Variants in EIF4G3 observed in about 807,000 individuals in gnomAD.
EIF4G3 encodes eukaryotic translation initiation factor 4 gamma 3, also known as eIF-4-gamma 3.
EIF4G3 carries 34 observed loss-of-function variants against 186.4 expected under a neutral mutation model. The ratio of observed to expected loss-of-function variants is 0.18; its 90% CI spans 0.14 to 0.24. EIF4G3 has a LOEUF of 0.24. Ranked by LOEUF, EIF4G3 falls within the 10% of genes least tolerant of loss-of-function variation. The pLI, the probability that EIF4G3 is intolerant of heterozygous loss-of-function variation, is 1.00. For missense variants in EIF4G3, 1,536 were observed against 1,948.5 expected (o/e 0.79, Z 3.99); for synonymous variants, 673 against 679.5 (o/e 0.99, Z 0.15).
chr1:21,055,006 C>T (rs1342548954), intron 3 of EIF4G3, among the ~76,000 whole-genome samples: 1 of 152,060 alleles, frequency 6.6e-6, no homozygotes, highest in East Asian at 1.9e-4. Flanking sequence ...TTTTGAGTGA[C>T]TATTACATTT....
chr1:20,953,302 C>G (rs2096288731), intron 12 of EIF4G3, among the ~76,000 whole-genome samples: 1 of 152,020 alleles, frequency 6.6e-6, no homozygotes, highest in South Asian at 2.1e-4. Context: ...AATCAAGGTT[C>G]TGATTGGTAC....
chr1:20,857,350 A>G, intron 25 of EIF4G3, 53 bp downstream of exon 25: 1 of 1,357,812 alleles, frequency 7.4e-7, no homozygotes, highest in African/African-American at 1.4e-5. Context: ...GTGTGTTTTA[A>G]TATCAAAGGC....
intron 12 of EIF4G3, among the ~76,000 whole-genome samples, chr1:20,968,124 C>T (rs1219839557): frequency 6.6e-6 from 1 of 151,854 alleles, no homozygotes; most frequent in Non-Finnish European, 1.5e-5. Context: ...CCACGTGTCT[C>T]TATATCATTT....
At chr1:20,905,157 G>A (rs1157691781) in intron 14 of EIF4G3, among the ~76,000 whole-genome samples, 186 bp from the exon 15 acceptor site, 1 of 152,200 alleles carries the variant, frequency 6.6e-6, no homozygotes, top group Admixed American at 6.5e-5. Context: ...AAGTGTTGTG[G>A]GTACAAACTC....
intron 3 of EIF4G3, among the ~76,000 whole-genome samples, chr1:21,055,868 A>G (rs903803350): frequency 6.6e-6 from 1 of 152,170 alleles, no homozygotes; most frequent in African/African-American, 2.4e-5. Context: ...GCAGAGTTGT[A>G]AAGACTGTAA....
intron 2 of EIF4G3, among the ~76,000 whole-genome samples, chr1:21,172,322 A>G (rs897024383): frequency 9.9e-5 from 15 of 152,154 alleles, no homozygotes; most frequent in African/African-American, 3.6e-4. Flanking sequence ...GACTACTCTC[A>G]CAGCAGAGTT....
intron 10 of EIF4G3, 125 bp from the exon 11 acceptor site, chr1:20,973,224 T>C: frequency 1.5e-6 from 1 of 657,900 alleles, no homozygotes; most frequent in South Asian, 2.0e-5. Flanking sequence ...TAAGCATTCT[T>C]CATCATCTTT....
At chr1:21,105,921 G>GTA (rs2096609334) in intron 2 of EIF4G3, among the ~76,000 whole-genome samples, 1 of 152,158 alleles carries the variant, frequency 6.6e-6, no homozygotes, top group South Asian at 2.1e-4. Context: ...TAAAAAATTA[G>GTA]CTGGGCATGG....
At chr1:20,835,962 A>C (rs1283029965) in intron 30 of EIF4G3, among the ~76,000 whole-genome samples, 1 of 151,738 alleles carries the variant, frequency 6.6e-6, no homozygotes, top group East Asian at 1.9e-4. Context: ...AAAGCCCAGG[A>C]CTAGATGGCT....
intron 3 of EIF4G3, among the ~76,000 whole-genome samples, chr1:21,078,758 G>GAAAAT (rs2095666696): frequency 6.6e-6 from 1 of 152,194 alleles, no homozygotes; most frequent in Non-Finnish European, 1.5e-5. Flanking sequence ...GCCAAAGCAG[G>GAAAAT]TGGATCACTT....
At chr1:20,976,433 T>C (rs1285939749) in intron 10 of EIF4G3, among the ~76,000 whole-genome samples, 5 of 147,338 alleles carry the variant, frequency 3.4e-5, no homozygotes, top group Non-Finnish European at 7.4e-5. Flanking sequence ...AAACATGAAA[T>C]GATACTGGCA....
intron 4 of EIF4G3, among the ~76,000 whole-genome samples, chr1:21,042,444 T>G (rs1416167515): frequency 6.6e-6 from 1 of 152,236 alleles, no homozygotes; most frequent in East Asian, 1.9e-4. Context: ...TGTTATTGAC[T>G]TTTTATTGAT....
intron 2 of EIF4G3, among the ~76,000 whole-genome samples, chr1:21,150,416 T>C (rs1030759167): frequency 6.6e-6 from 1 of 152,150 alleles, no homozygotes; most frequent in Non-Finnish European, 1.5e-5. Flanking sequence ...TCATGAAAAA[T>C]TTGAGGGAAC....
chr1:20,960,596 A>G (rs1394165123), intron 12 of EIF4G3, among the ~76,000 whole-genome samples: 1 of 151,996 alleles, frequency 6.6e-6, no homozygotes, highest in African/African-American at 2.4e-5. Flanking sequence ...TACTGAAAAT[A>G]AAAAACATTA....
intron 12 of EIF4G3, among the ~76,000 whole-genome samples, chr1:20,957,158 C>G (rs2096451529): frequency 6.6e-6 from 1 of 151,728 alleles, no homozygotes; most frequent in African/African-American, 2.4e-5. Flanking sequence ...GAGAGGAAAC[C>G]CGGACACTCA....
chr1:20,889,394 A>C (rs1243225707), intron 18 of EIF4G3, among the ~76,000 whole-genome samples: 1 of 152,226 alleles, frequency 6.6e-6, no homozygotes, highest in Admixed American at 6.5e-5. Flanking sequence ...ATAAATGGCA[A>C]ATTACTTATA....
At chr1:21,124,425 C>T (rs1411105947) in intron 2 of EIF4G3, among the ~76,000 whole-genome samples, 1 of 152,164 alleles carries the variant, frequency 6.6e-6, no homozygotes, top group Non-Finnish European at 1.5e-5. Context: ...TGGCTTCAAA[C>T]ACCTTGAAGA....
chr1:21,024,442 A>G (rs1355815621), intron 4 of EIF4G3, among the ~76,000 whole-genome samples: 2 of 151,462 alleles, frequency 1.3e-5, no homozygotes, highest in African/African-American at 2.4e-5. Flanking sequence ...GCTTTGTGGA[A>G]TAGAAAGGGG....
chr1:21,055,269 C>T (rs956454203), intron 3 of EIF4G3, among the ~76,000 whole-genome samples: 5 of 151,656 alleles, frequency 3.3e-5, no homozygotes, highest in Non-Finnish European at 5.9e-5. Flanking sequence ...ATTTTTAACA[C>T]GGGAAAAATT....
Sources: allele counts gnomAD v4.1 joint callset (sites outside exome capture counted in the v4.1 genomes callset), GRCh38; gene constraint gnomAD v4.1.1; transcripts MANE v1.5; gene names NCBI Gene and HGNC (gene_info 2026-07-23, HGNC 2026-07-21).